The following NUP58 variants were observed in gnomAD, a reference collection of about 807,000 sequenced individuals.
NUP58 encodes nucleoporin 58, also known as nucleoporin p58/p45.
In NUP58, 17 loss-of-function variants were observed where a neutral mutation model predicts 70.1. The observed-to-expected ratio is 0.24, with a 90% CI of 0.17 to 0.36. NUP58 has a LOEUF of 0.36. NUP58 is among the 10% of genes least tolerant of loss of function. The pLI, the probability that NUP58 is intolerant of heterozygous loss-of-function variation, is 1.00. For missense variants in NUP58, 644 were observed against 701.5 expected (o/e 0.92, Z 0.93); for synonymous variants, 275 against 257.6 (o/e 1.07, Z -0.65).
chr13:25,334,426 T>A lies in NUP58; in HGVS notation c.1436-2510T>A, dbSNP rs535901867. The A allele has an allele frequency of 9.8e-3, 9,626 of 985,406 alleles. 66 individuals are homozygous for A. Among genetic ancestry groups the A allele is most frequent in the Non-Finnish European group, 0.011 (9,063 of 829,906 alleles). The allele number at this position is 985,406 out of a possible 1,614,324, so 61.0% of individuals were successfully genotyped here. A position where few individuals can be genotyped will look rare whatever the true frequency, so the allele number is the denominator to read the frequency against. On this transcript the variant is annotated intron_variant, in intron 13 of 15. Coordinates refer to ENST00000381736, the MANE Select transcript of NUP58 (RefSeq NM_014089.4). ...GAGAGCCAAGACGTTTTGTTAGGAA[T>A]TCCTAATTTTTAGCTTAGTGTAGGT... is the stretch of plus-strand genomic sequence containing the variant.
rs9578845 is a variant in NUP58 at position 25,338,235 on chromosome 13, T to C, written c.1535-401T>C. ...ACCTTGTAGTATTTAGTGTTTACATTGTAGTGCATGTCATGCTTATTAATG... is the reference window on the plus strand; with the variant it reads ...ACCTTGTAGTATTTAGTGTTTACATCGTAGTGCATGTCATGCTTATTAATG... On this transcript the variant is annotated intron_variant, in intron 14 of 15. Coordinates refer to ENST00000381736, the MANE Select transcript of NUP58 (RefSeq NM_014089.4). 5.3e-3 allele frequency among the ~76,000 whole-genome samples: 806 copies of C among 152,292 alleles called. 6 individuals carry two copies. Among genetic ancestry groups the C allele is most frequent in the African/African-American group, 0.018 (765 of 41,566 alleles).
At chr13:25,303,692 A>G (rs79055593) in intron 1 of NUP58, among the ~76,000 whole-genome samples, 360 of 152,148 alleles carry the variant, frequency 2.4e-3, no homozygotes, top group Middle Eastern at 0.01. Flanking sequence ...TCAGTTTGTT[A>G]TATTTATTGT....
intron 3 of NUP58, among the ~76,000 whole-genome samples, chr13:25,347,514 A>G (rs2032064303): frequency 6.6e-6 from 1 of 152,226 alleles, no homozygotes; most frequent in South Asian, 2.1e-4. Context: ...GAGCAGGGTT[A>G]TAACCTCGAT....
chr13:25,336,288 C>T (rs997769190), intron 13 of NUP58: 1 of 1,334,116 alleles, frequency 7.5e-7, no homozygotes, highest in South Asian at 1.1e-5. Flanking sequence ...TTGGAATTGT[C>T]ATGTTACTGT....
At chr13:25,313,075 C>A in intron 4 of NUP58, 43 bp downstream of exon 4, 1 of 1,593,216 alleles carries the variant, frequency 6.3e-7, no homozygotes, top group Non-Finnish European at 8.6e-7. Context: ...GGTTAAATTT[C>A]AATTTTATCT....
In NUP58 at chr13:25,325,031, C is replaced by T. The variant is rs2031340979; in HGVS notation, c.994C>T (p.Pro332Ser). ...AATAGCTTTAAGAACCCAGAAGACACCACCTGGACTTCAACATGAATATGC... is the reference window on the plus strand; with the variant it reads ...AATAGCTTTAAGAACCCAGAAGACATCACCTGGACTTCAACATGAATATGC... ...AEIALRTQKT[P>S]PGLQHEYAAP... The change falls in exon 10 of 16, where the codon CCA (proline) becomes TCA (serine). Residue 332 changes from proline to serine, a missense_variant. Coordinates refer to ENST00000381736, the MANE Select transcript of NUP58 (RefSeq NM_014089.4). 1 of 1,610,312 alleles carries T rather than the reference C, an allele frequency of 6.2e-7. No homozygotes were observed. The highest frequency in any genetic ancestry group is 8.5e-7 in the Non-Finnish European group (1 of 1,178,686).
chr13:25,319,388 A>G, intron 7 of NUP58, 38 bp downstream of exon 7: 1 of 1,569,244 alleles, frequency 6.4e-7, no homozygotes, highest in East Asian at 2.2e-5. Context: ...ATTTTAATTG[A>G]AGAGTTTAAC....
At position 25,309,258 on chromosome 13, in the gene NUP58, A is replaced by C; in HGVS notation, c.262A>C (p.Thr88Pro). 1 of 1,607,048 alleles carries C rather than the reference A, an allele frequency of 6.2e-7. No homozygotes were observed. Among genetic ancestry groups the C allele is most frequent in the African/African-American group, 1.3e-5 (1 of 74,890 alleles). ...LGGTNTGIAT[T>P]ITTGLTLGTP... ...CTTTTTGTCCCCAGGAATAGCAACA[A>C]CTATAACTACAGGATTAACTCTGGG... The change falls in exon 3 of 16, where the codon ACT becomes CCT. Residue 88 changes from threonine (T) to proline (P), a missense_variant. Around this residue, in one of 4 missense-constraint regions of NUP58, gnomAD observed 430 missense variants for 409.2 expected, o/e 1.05. Transcript: ENST00000381736.
At chr13:25,347,928 C>T (rs1049460016) in intron 3 of NUP58, among the ~76,000 whole-genome samples, 1 of 152,178 alleles carries the variant, frequency 6.6e-6, no homozygotes. Context: ...CCATGTTTTA[C>T]TTGCAGTTGA....
intron 1 of NUP58, among the ~76,000 whole-genome samples, chr13:25,306,309 G>GT (rs2030353514): frequency 6.6e-6 from 1 of 151,120 alleles, no homozygotes. Flanking sequence ...GGAGGCTGAG[G>GT]TAGGAGAATG....
chr13:25,313,393 G>A (rs912870256), intron 4 of NUP58, among the ~76,000 whole-genome samples: 8 of 152,148 alleles, frequency 5.3e-5, no homozygotes, highest in African/African-American at 1.9e-4. Flanking sequence ...CAGTTACCTG[G>A]TACCATTCTA....
intron 7 of NUP58, among the ~76,000 whole-genome samples, chr13:25,319,693 T>A (rs1189211287): frequency 6.6e-6 from 1 of 152,078 alleles, no homozygotes; most frequent in Non-Finnish European, 1.5e-5. Context: ...AAAAAATATA[T>A]GAATTATTGT....
intron 9 of NUP58, among the ~76,000 whole-genome samples, chr13:25,322,816 A>G (rs1187568138): frequency 2.6e-5 from 4 of 152,078 alleles, no homozygotes; most frequent in Admixed American, 1.3e-4. Context: ...CTTCCTAATC[A>G]TCACCTATGT....
chr13:25,329,499 CA>C (rs1307280437), intron 12 of NUP58, among the ~76,000 whole-genome samples: 1 of 152,116 alleles, frequency 6.6e-6, no homozygotes, highest in Non-Finnish European at 1.5e-5. Flanking sequence ...ACGTTGTAGA[CA>C]TGAAATTTTG....
chr13:25,336,902 T>C (rs1051014498), intron 13 of NUP58, 34 bp from the exon 14 acceptor site: 5 of 1,420,742 alleles, frequency 3.5e-6, no homozygotes, highest in Middle Eastern at 1.8e-4. Flanking sequence ...ATTTGTTTTT[T>C]TTCCCCCCCA....
chr13:25,341,387 C>G lies in NUP58; in HGVS notation c.*1253C>G, dbSNP rs2031950826. The stretch of plus-strand genomic sequence containing the variant: ...TGATTCTATGCAGGTGAAGGATGCA[C>G]TAAAGTTCTCACTTTAGTGAGAACT... On this transcript the variant is annotated 3_prime_UTR_variant, in exon 16 of 16. Transcript: ENST00000381736. 6.6e-6 allele frequency: 1 copy of G among 152,496 alleles called. No individual in the cohort carries two copies. Among genetic ancestry groups the G allele is most frequent in the South Asian group, 2.1e-4 (1 of 4,828 alleles). 9.4% of individuals were successfully genotyped at this position (152,496 alleles called of 1,614,324 possible). A position where few individuals can be genotyped will look rare whatever the true frequency, so the allele number is the denominator to read the frequency against.
intron 9 of NUP58, 27 bp from the exon 10 acceptor site, chr13:25,324,953 CTTTTTTTTT>C: frequency 8.9e-7 from 1 of 1,117,746 alleles, no homozygotes. Context: ...TCTTAACTGG[CTTTTTTTTT>C]TTTTTTTAAA....
chr13:25,313,632 T>C lies in NUP58; in HGVS notation c.455T>C (p.Leu152Pro). 1 of 1,520,712 alleles carries C rather than the reference T, an allele frequency of 6.6e-7. No homozygotes were observed. The highest frequency in any genetic ancestry group is 8.7e-7 in the Non-Finnish European group (1 of 1,147,570). 94.2% of individuals were successfully genotyped at this position (1,520,712 alleles called of 1,614,324 possible). ...STPAASTGFT[L>P]NNLGGTTATT... Reference sequence around the variant, plus strand: ...TTTATAGCATCCACAGGATTTACTCTAAATAATTTGGGTGGGACAACAGCC... The same window carrying C: ...TTTATAGCATCCACAGGATTTACTCCAAATAATTTGGGTGGGACAACAGCC... Residue 152 changes from leucine (L) to proline (P), a missense_variant, in exon 5 of 16, where the codon CTA becomes CCA. Around this residue, in one of 4 missense-constraint regions of NUP58, gnomAD observed 430 missense variants for 409.2 expected, o/e 1.05. Transcript: ENST00000381736.
intron 3 of NUP58, among the ~76,000 whole-genome samples, chr13:25,311,618 GC>G (rs1400087865): frequency 6.6e-6 from 1 of 150,460 alleles, no homozygotes; most frequent in Admixed American, 6.6e-5. Flanking sequence ...AAGGTGATCT[GC>G]CCACTTTGGC....
Sources: gnomAD v4.1 joint callset for allele counts (sites outside exome capture counted in the v4.1 genomes callset) on GRCh38, gnomAD v4.1.1 for gene constraint, gnomAD v4.1.1 regional missense constraint, MANE v1.5 for transcripts, NCBI Gene and HGNC (gene_info 2026-07-23, HGNC 2026-07-21) for gene names.